ETV6: variants seen among roughly 807,000 people sequenced by gnomAD.
The protein encoded by ETV6 is transcription factor ETV6.
ETV6 carries 16 observed loss-of-function variants against 51.1 expected under a neutral mutation model. That is an observed-to-expected ratio of 0.31 (90% CI 0.21 to 0.48). ETV6 has a LOEUF of 0.48. Among genes scored for constraint, ETV6 ranks in the 20% least tolerant of loss-of-function variants. ETV6 has a pLI of 0.99. For missense variants in ETV6, 458 were observed against 594.8 expected (o/e 0.77, Z 2.39); for synonymous variants, 240 against 224.1 (o/e 1.07, Z -0.64).
At chr12:11,753,989 G>T (rs1591650877) in intron 2 of ETV6, among the ~76,000 whole-genome samples, 1 of 152,212 alleles carries the variant, frequency 6.6e-6, no homozygotes, top group Non-Finnish European at 1.5e-5. Context: ...GGGAACATCA[G>T]TGTTCTTAGG....
At chr12:11,879,119 GTGTTT>G (rs1413510941) in intron 5 of ETV6, among the ~76,000 whole-genome samples, 1 of 151,940 alleles carries the variant, frequency 6.6e-6, no homozygotes, top group Non-Finnish European at 1.5e-5. Context: ...GCTACTTTGC[GTGTTT>G]TGTTGCTGAA....
chr12:11,651,763 A>T (rs1863911005), intron 1 of ETV6, among the ~76,000 whole-genome samples: 1 of 152,228 alleles, frequency 6.6e-6, no homozygotes, highest in South Asian at 2.1e-4. Context: ...TCAATAAATA[A>T]ATTGTATTTG....
At chr12:11,820,732 AG>A (rs1160344397) in intron 2 of ETV6, among the ~76,000 whole-genome samples, 1 of 152,178 alleles carries the variant, frequency 6.6e-6, no homozygotes, top group Non-Finnish European at 1.5e-5. Context: ...CAGGTCATAT[AG>A]GGCCCAGAAG....
chr12:11,722,746 A>G (rs1424779101), intron 1 of ETV6, among the ~76,000 whole-genome samples: 4 of 152,208 alleles, frequency 2.6e-5, no homozygotes, highest in South Asian at 2.1e-4. Context: ...ACCTTTGCCC[A>G]TTGCCAGGTG....
chr12:11,870,739 C>T (rs1159408537), intron 5 of ETV6, among the ~76,000 whole-genome samples: 1 of 152,148 alleles, frequency 6.6e-6, no homozygotes, highest in Non-Finnish European at 1.5e-5. Context: ...AGTAGGGATA[C>T]AGAGCTAGTT....
At chr12:11,695,060 C>A (rs376685222) in intron 1 of ETV6, among the ~76,000 whole-genome samples, 1 of 152,148 alleles carries the variant, frequency 6.6e-6, no homozygotes, top group Non-Finnish European at 1.5e-5. Flanking sequence ...CAGGCCCATG[C>A]GAAACATTTA....
At chr12:11,804,398 A>C (rs752713338) in intron 2 of ETV6, among the ~76,000 whole-genome samples, 3 of 152,158 alleles carry the variant, frequency 2.0e-5, no homozygotes, top group Non-Finnish European at 4.4e-5. Flanking sequence ...GAAATTTGTA[A>C]ATCTCGTCAA....
chr12:11,886,901 G>C (rs1216074964), intron 7 of ETV6, among the ~76,000 whole-genome samples: 1 of 152,152 alleles, frequency 6.6e-6, no homozygotes, highest in East Asian at 1.9e-4. Context: ...GATGAGTTTT[G>C]GCAGGTGGGC....
At chr12:11,680,999 G>C (rs1864518393) in intron 1 of ETV6, among the ~76,000 whole-genome samples, 1 of 152,184 alleles carries the variant, frequency 6.6e-6, no homozygotes, top group African/African-American at 2.4e-5. Context: ...GAGACTTTAA[G>C]GTGCTCAAAG....
chr12:11,883,276 C>CTTTTTTTTTTTTTT (rs547786286), intron 5 of ETV6, among the ~76,000 whole-genome samples: 13 of 79,112 alleles, frequency 1.6e-4, no homozygotes, highest in East Asian at 7.7e-4. Flanking sequence ...ATGTCTTCTT[C>CTTTTTTTTTTTTTT]TTTTTTTTTT....
Position 11,846,433 on chromosome 12 carries a change from G to A in ETV6, c.329-6994G>A, listed in dbSNP as rs140825948. Reference sequence around the variant, plus strand: ...ACCTGCTAAACTTGAGAAGTTAAAAGTTGCAAAACCCCCTGGGAGAGGCTC... The same window carrying A: ...ACCTGCTAAACTTGAGAAGTTAAAAATTGCAAAACCCCCTGGGAGAGGCTC... On this transcript the variant is annotated intron_variant, in intron 3 of 7. Transcript: ENST00000396373. 3.7e-3 allele frequency among the ~76,000 whole-genome samples: 563 copies of A among 152,318 alleles called. 3 individuals are homozygous for A. Among genetic ancestry groups the A allele is most frequent in the African/African-American group, 0.013 (547 of 41,574 alleles).
At chr12:11,767,723 A>C (rs1945183216) in intron 2 of ETV6, among the ~76,000 whole-genome samples, 1 of 152,254 alleles carries the variant, frequency 6.6e-6, no homozygotes, top group Non-Finnish European at 1.5e-5. Flanking sequence ...TTTTGCCTTT[A>C]GCAGCTGTTT....
At chr12:11,834,988 G>GT in intron 2 of ETV6, among the ~76,000 whole-genome samples, 1 of 152,254 alleles carries the variant, frequency 6.6e-6, no homozygotes, top group South Asian at 2.1e-4. Flanking sequence ...CTCCCAACAT[G>GT]TTTGTCATCA....
At chr12:11,764,789 C>T (rs749687575) in intron 2 of ETV6, among the ~76,000 whole-genome samples, 32 of 152,246 alleles carry the variant, frequency 2.1e-4, no homozygotes, top group Admixed American at 5.9e-4. Flanking sequence ...ATAATAACTT[C>T]CATTTATTGA....
intron 2 of ETV6, among the ~76,000 whole-genome samples, chr12:11,821,499 G>T (rs1200464557): frequency 6.6e-6 from 1 of 152,086 alleles, no homozygotes; most frequent in African/African-American, 2.4e-5. Flanking sequence ...GACATCTGGA[G>T]GTTGGTTGGC....
At chr12:11,713,209 T>C (rs896242361) in intron 1 of ETV6, among the ~76,000 whole-genome samples, 1 of 152,226 alleles carries the variant, frequency 6.6e-6, no homozygotes, top group Non-Finnish European at 1.5e-5. Context: ...AGGATAATTA[T>C]ATTTATCCTC....
At chr12:11,654,071 C>T (rs968214642) in intron 1 of ETV6, among the ~76,000 whole-genome samples, 7 of 152,114 alleles carry the variant, frequency 4.6e-5, no homozygotes, top group African/African-American at 1.7e-4. Context: ...GCCTCAGCCT[C>T]CCAGAGTGCT....
chr12:11,878,418 T>C (rs1947027347), intron 5 of ETV6, among the ~76,000 whole-genome samples: 1 of 152,168 alleles, frequency 6.6e-6, no homozygotes, highest in Non-Finnish European at 1.5e-5. Flanking sequence ...TCCCTGGATG[T>C]GAATTCCCAG....
intron 2 of ETV6, among the ~76,000 whole-genome samples, chr12:11,814,515 C>T (rs994543402): frequency 8.5e-5 from 13 of 152,104 alleles, no homozygotes; most frequent in Non-Finnish European, 1.8e-4. Context: ...CAAACACTCT[C>T]CACTATTTCT....
Sources: gnomAD v4.1 joint callset for allele counts (sites outside exome capture counted in the v4.1 genomes callset) on GRCh38, gnomAD v4.1.1 for gene constraint, MANE v1.5 for transcripts, NCBI Gene and HGNC (gene_info 2026-07-23, HGNC 2026-07-21) for gene names.